Variants in DGKH observed in about 807,000 individuals in gnomAD.
The protein encoded by DGKH is diacylglycerol kinase eta.
DGKH carries 90 observed loss-of-function variants against 159.3 expected under a neutral mutation model. The ratio of observed to expected loss-of-function variants is 0.57; its 90% CI spans 0.48 to 0.67. DGKH has a LOEUF of 0.67. Among genes scored for constraint, DGKH ranks in the 30% least tolerant of loss-of-function variants. DGKH has a pLI of 0.00. For missense variants in DGKH, 1,181 were observed against 1,506.1 expected, an observed-to-expected ratio of 0.78 and a Z score of 3.57; for synonymous variants, 536 against 553.8, an observed-to-expected ratio of 0.97 and a Z score of 0.45.
chr13:42,178,175 A>G lies in DGKH; in HGVS notation c.1493A>G (p.Lys498Arg). ...YEDSVATHLT[K>R]ILNSDEHAVV... is the part of the protein sequence containing the mutation. ...GACTCAGTTGCAACGCATCTTACAA[A>G]AATCCTCAATTCTGATGAACATGCA... Residue 498 changes from lysine to arginine, a missense_variant, in exon 13 of 30, where the codon AAA becomes AGA. Around this residue, in one of 5 missense-constraint regions of DGKH, gnomAD observed 369 missense variants for 519.4 expected, o/e 0.71. Coordinates refer to ENST00000337343, the MANE Select transcript of DGKH (RefSeq NM_178009.5). The G allele has an allele frequency of 1.9e-6, 3 of 1,607,762 alleles. No homozygotes were observed. The South Asian group carries it at 3.3e-5, about 18-fold the overall frequency.
intron 1 of DGKH, among the ~76,000 whole-genome samples, chr13:42,065,189 G>C (rs754234573): frequency 6.6e-6 from 1 of 152,192 alleles, no homozygotes; most frequent in African/African-American, 2.4e-5. Context: ...CACAGGGAAA[G>C]AATTCTCATG....
intron 7 of DGKH, among the ~76,000 whole-genome samples, chr13:42,163,694 CT>C (rs1244038127): frequency 3.3e-5 from 5 of 152,000 alleles, no homozygotes; most frequent in African/African-American, 1.2e-4. Flanking sequence ...CCTTTGCCCA[CT>C]TTTTGATGGG....
At position 42,232,236 on chromosome 13, in the gene DGKH, T is replaced by C. The variant is rs1005044126; in HGVS notation, c.*3048T>C. ...CACCTGCACCTGACTGCAATGACTG[T>C]AATGGCTGGAATTGTCACCTCTTCT... On this transcript the variant is annotated 3_prime_UTR_variant, in exon 30 of 30. Transcript: ENST00000337343. 3.9e-5 allele frequency: 6 copies of C among 152,330 alleles called. No individual in the cohort carries two copies. Among genetic ancestry groups the C allele is most frequent in the African/African-American group, 1.2e-4 (5 of 41,424 alleles). 9.4% of individuals were successfully genotyped at this position (152,330 alleles called of 1,614,324 possible). A position where few individuals can be genotyped will look rare whatever the true frequency, so the allele number is the denominator to read the frequency against.
Position 42,166,500 on chromosome 13 carries a change from G to C in DGKH, c.959-15G>C. On this transcript the variant is annotated splice_polypyrimidine_tract_variant and intron_variant, in intron 8 of 29. Coordinates refer to ENST00000337343, the MANE Select transcript of DGKH (RefSeq NM_178009.5). ...AAGCTGTATGTATTGATCTTGTGTT[G>C]TGTTTTTTTCACAGGTTTCTGTAGA... 6.7e-7 allele frequency: 1 copy of C among 1,497,262 alleles called. No homozygotes were observed. The highest frequency in any genetic ancestry group is 8.9e-7 in the Non-Finnish European group (1 of 1,119,592). 92.7% of individuals were successfully genotyped at this position (1,497,262 alleles called of 1,614,324 possible).
At chr13:42,150,644 GT>G (rs1955856062) in intron 3 of DGKH, among the ~76,000 whole-genome samples, 1 of 152,000 alleles carries the variant, frequency 6.6e-6, no homozygotes, top group African/African-American at 2.4e-5. Flanking sequence ...AGTTCTTTTG[GT>G]TGTTTGTAAC....
At chr13:42,207,780 T>TATGATATA (rs1957546006) in intron 21 of DGKH, among the ~76,000 whole-genome samples, 1 of 150,988 alleles carries the variant, frequency 6.6e-6, no homozygotes, top group Non-Finnish European at 1.5e-5. Flanking sequence ...GATTTGAGTT[T>TATGATATA]ATGATATAAT....
intron 3 of DGKH, among the ~76,000 whole-genome samples, chr13:42,152,869 G>A (rs1446141852): frequency 2.0e-5 from 3 of 152,060 alleles, no homozygotes; most frequent in South Asian, 2.1e-4. Flanking sequence ...TGTGGGAGGG[G>A]GAGCACATGG....
chr13:42,094,132 G>C (rs1241234904), intron 1 of DGKH, among the ~76,000 whole-genome samples: 1 of 122,922 alleles, frequency 8.1e-6, no homozygotes, highest in Non-Finnish European at 1.7e-5. Context: ...TTGGGGGGAG[G>C]GGGGAGGGAT....
At chr13:42,114,664 G>A (rs1050724511) in intron 1 of DGKH, among the ~76,000 whole-genome samples, 24 of 152,248 alleles carry the variant, frequency 1.6e-4, no homozygotes, top group African/African-American at 5.8e-4. Context: ...GTTCTAAGAA[G>A]TAAAATAATA....
chr13:42,122,987 C>T (rs2137829847), intron 1 of DGKH, among the ~76,000 whole-genome samples: 1 of 152,184 alleles, frequency 6.6e-6, no homozygotes, highest in South Asian at 2.1e-4. Flanking sequence ...GATCCAAGAC[C>T]ACAATAATTT....
At chr13:42,178,537 C>G (rs561295264) in intron 13 of DGKH, among the ~76,000 whole-genome samples, 2 of 152,072 alleles carry the variant, frequency 1.3e-5, no homozygotes, top group Non-Finnish European at 2.9e-5. Flanking sequence ...ATATGGAAAA[C>G]ACATTTCATT....
chr13:42,139,850 T>C (rs1028925492), intron 3 of DGKH, among the ~76,000 whole-genome samples: 7 of 152,228 alleles, frequency 4.6e-5, no homozygotes, highest in African/African-American at 1.4e-4. Context: ...GCTGCCTGCC[T>C]TCAGGGATAG....
At chr13:42,249,985 T>G (rs565360673) in intron 29 of DGKH, among the ~76,000 whole-genome samples, 9 of 151,918 alleles carry the variant, frequency 5.9e-5, no homozygotes, top group Non-Finnish European at 1.0e-4. Context: ...TTGTTTTTTT[T>G]TTTTAGATGG....
At chr13:42,068,235 A>G (rs1206005396) in intron 1 of DGKH, among the ~76,000 whole-genome samples, 3 of 152,238 alleles carry the variant, frequency 2.0e-5, no homozygotes, top group Admixed American at 2.0e-4. Context: ...GTTAATTTTT[A>G]TAATTAAATA....
At chr13:42,249,299 G>C (rs1006561302) in intron 29 of DGKH, among the ~76,000 whole-genome samples, 1 of 152,170 alleles carries the variant, frequency 6.6e-6, no homozygotes, top group Non-Finnish European at 1.5e-5. Context: ...GATTGAGCCC[G>C]GGAGGACCAA....
rs180701334 is a variant in DGKH at position 42,158,877 on chromosome 13, C to G, written c.623-389C>G. On this transcript the variant is annotated intron_variant, in intron 5 of 29. Coordinates refer to ENST00000337343, the MANE Select transcript of DGKH (RefSeq NM_178009.5). The stretch of plus-strand genomic sequence containing the variant: ...GCTTGATGAATTTTCACAAATTAAA[C>G]ACATTCGTATAATCAGCACCTACAT... Among the ~76,000 whole-genome samples the G allele has an allele frequency of 1.8e-4, 27 of 152,214 alleles. 1 individual carries two copies. The highest frequency in any genetic ancestry group is 3.4e-4 in the Non-Finnish European group (23 of 68,008).
intron 21 of DGKH, 69 bp from the exon 22 acceptor site, chr13:42,208,890 C>G: frequency 1.6e-6 from 1 of 619,180 alleles, no homozygotes; most frequent in East Asian, 3.4e-5. Flanking sequence ...ATATATATTG[C>G]AGTTTACATT....
At chr13:42,179,240 CA>C (rs1159958404) in intron 13 of DGKH, among the ~76,000 whole-genome samples, 1 of 152,144 alleles carries the variant, frequency 6.6e-6, no homozygotes, top group Non-Finnish European at 1.5e-5. Flanking sequence ...CTGTTTTGTG[CA>C]AATATTGGAC....
intron 1 of DGKH, among the ~76,000 whole-genome samples, chr13:42,086,028 C>T (rs1206322052): frequency 2.6e-5 from 4 of 152,000 alleles, no homozygotes; most frequent in Admixed American, 6.6e-5. Context: ...AAGCGATTCT[C>T]GTGCCTCAGC....
Sources: allele counts gnomAD v4.1 joint callset (sites outside exome capture counted in the v4.1 genomes callset), GRCh38; gene constraint gnomAD v4.1.1; regional missense constraint gnomAD v4.1.1; transcripts MANE v1.5; gene names NCBI Gene and HGNC (gene_info 2026-07-23, HGNC 2026-07-21).